Variants in CAMTA1 observed in about 807,000 individuals in gnomAD.
The protein encoded by CAMTA1 is calmodulin binding transcription activator 1.
Under a neutral mutation model 170.9 loss-of-function variants are expected in CAMTA1, and 27 were observed. The observed-to-expected ratio is 0.16, with a 90% CI of 0.12 to 0.22. The LOEUF (loss-of-function observed/expected upper bound fraction) is 0.22, where lower values mean the gene tolerates loss of function less well. Among genes scored for constraint, CAMTA1 ranks in the 10% least tolerant of loss-of-function variants. CAMTA1 has a pLI of 1.00. For synonymous variants in CAMTA1, 833 were observed against 891.5 expected, an observed-to-expected ratio of 0.93 and a Z score of 1.17; for missense variants, 1,619 against 2,217.2, an observed-to-expected ratio of 0.73 and a Z score of 5.42.
In CAMTA1 at chr1:7,435,274, T is replaced by A. The variant is rs2092310004; in HGVS notation, c.439-32556T>A. Among the ~76,000 whole-genome samples the A allele has an allele frequency of 6.6e-6, 1 of 152,126 alleles. No homozygotes were observed. The highest frequency in any genetic ancestry group is 2.4e-5 in the African/African-American group (1 of 41,406). ...TTGCCTAGACCTGCTGAGCTCACAG[T>A]CCAGTGGGGAGATCAGGCCCCAGGC... On this transcript the variant is annotated intron_variant, in intron 5 of 22. Transcript: ENST00000303635. This position sits in a 1 kb window ranked among gnomAD's most constrained non-coding sequence, Gnocchi z 4.4.
At chr1:7,601,723 G>A (rs1379414622) in intron 6 of CAMTA1, among the ~76,000 whole-genome samples, 1 of 152,234 alleles carries the variant, frequency 6.6e-6, no homozygotes, top group Non-Finnish European at 1.5e-5. Context: ...CGGATCCCTC[G>A]CGGTTAGGAG....
chr1:7,557,477 A>G lies in CAMTA1; in HGVS notation c.511-82923A>G, dbSNP rs149226781. On this transcript the variant is annotated intron_variant, in intron 6 of 22. Transcript: ENST00000303635. ...CTTTTCCAGCTGTTCCCCAGCTGTG[A>G]CATTCTAGGATCCGGTATGTTTCAT... Among the ~76,000 whole-genome samples, 144 of 152,314 alleles carry G rather than the reference A, an allele frequency of 9.5e-4. 2 individuals are homozygous for G. In the East Asian group the frequency reaches 0.015, roughly 16 times the overall value.
intron 5 of CAMTA1, among the ~76,000 whole-genome samples, chr1:7,450,494 T>C (rs746956818): frequency 1.3e-5 from 2 of 152,204 alleles, no homozygotes; most frequent in Non-Finnish European, 2.9e-5. Context: ...CCTCTGCAGC[T>C]TTCACACCTT....
chr1:7,312,839 G>A (rs958088593), intron 5 of CAMTA1, among the ~76,000 whole-genome samples: 1 of 152,088 alleles, frequency 6.6e-6, no homozygotes, highest in African/African-American at 2.4e-5. Context: ...CCTTTCCTGA[G>A]CTTTTGTGTC....
intron 4 of CAMTA1, among the ~76,000 whole-genome samples, chr1:7,181,192 A>G (rs1214309227): frequency 2.6e-5 from 4 of 152,244 alleles, no homozygotes; most frequent in Non-Finnish European, 5.9e-5. Flanking sequence ...AAAAAATTCA[A>G]TATGCATTCC....
At chr1:6,936,533 C>T (rs1056895150) in intron 3 of CAMTA1, among the ~76,000 whole-genome samples, 1 of 152,078 alleles carries the variant, frequency 6.6e-6, no homozygotes, top group African/African-American at 2.4e-5. Context: ...GCTCATTTCT[C>T]CTGACCTTCT....
intron 6 of CAMTA1, among the ~76,000 whole-genome samples, chr1:7,590,993 C>T (rs76160118): frequency 4.9e-4 from 74 of 152,272 alleles, no homozygotes; most frequent in East Asian, 9.6e-4. Flanking sequence ...CTGGTGATTC[C>T]GTGATTATCA....
At chr1:6,910,626 T>C (rs1679493429) in intron 3 of CAMTA1, among the ~76,000 whole-genome samples, 1 of 152,254 alleles carries the variant, frequency 6.6e-6, no homozygotes, top group African/African-American at 2.4e-5. Context: ...CCCTCCAACA[T>C]GTCACTATCT....
intron 4 of CAMTA1, among the ~76,000 whole-genome samples, chr1:7,203,266 T>C (rs1329095790): frequency 6.6e-6 from 1 of 152,128 alleles, no homozygotes; most frequent in Non-Finnish European, 1.5e-5. Flanking sequence ...TTGTTGAGGA[T>C]TTTTTTATCC....
At chr1:7,701,716 C>G (rs376973017) in intron 11 of CAMTA1, among the ~76,000 whole-genome samples, 1 of 152,024 alleles carries the variant, frequency 6.6e-6, no homozygotes, top group Admixed American at 6.6e-5. Flanking sequence ...CCACCGTGCC[C>G]GGCTGTATCT....
intron 3 of CAMTA1, among the ~76,000 whole-genome samples, chr1:6,899,542 GCA>G (rs151183377): frequency 0.14 from 17,012 of 124,510 alleles, 1,114 homozygotes; most frequent in African/African-American, 0.22. Flanking sequence ...TGTATAACGC[GCA>G]CGCGCGCGCG....
At chr1:7,263,451 TG>T (rs1422438871) in intron 5 of CAMTA1, among the ~76,000 whole-genome samples, 2 of 152,238 alleles carry the variant, frequency 1.3e-5, no homozygotes, top group South Asian at 2.1e-4. Context: ...GTTTGTACAT[TG>T]TGTTGGACAC....
chr1:7,618,568 G>T (rs147249888), intron 6 of CAMTA1, among the ~76,000 whole-genome samples: 1 of 152,270 alleles, frequency 6.6e-6, no homozygotes, highest in South Asian at 2.1e-4. Flanking sequence ...TCCTTGGGCC[G>T]GTTCCGATGA....
At chr1:7,365,461 T>C (rs1402788031) in intron 5 of CAMTA1, among the ~76,000 whole-genome samples, 1 of 152,174 alleles carries the variant, frequency 6.6e-6, no homozygotes, top group African/African-American at 2.4e-5. Flanking sequence ...AAAAAATAAT[T>C]TCAGACCTTT....
At position 7,205,003 on chromosome 1, in the gene CAMTA1, G is replaced by T. The variant is rs548845822; in HGVS notation, c.303-44488G>T. ...CGGACCACGCCCGGCTAATTTTTTT[G>T]TATTTTTAGTAGAGACGGGGTTTCA... On this transcript the variant is annotated intron_variant, in intron 4 of 22. Transcript: ENST00000303635. 9.0e-4 allele frequency among the ~76,000 whole-genome samples: 136 copies of T among 151,440 alleles called. 1 individual carries two copies. In the East Asian group the frequency reaches 9.9e-3, roughly 11 times the overall value.
At chr1:7,724,152 A>T (rs2096667349) in intron 11 of CAMTA1, among the ~76,000 whole-genome samples, 1 of 152,224 alleles carries the variant, frequency 6.6e-6, no homozygotes, top group Non-Finnish European at 1.5e-5. Context: ...GTAAAGGAAT[A>T]TGGAGAAACT....
chr1:7,738,367 G>A lies in CAMTA1; in HGVS notation c.4067G>A (p.Arg1356Gln), dbSNP rs746874795. The change falls in exon 16 of 23, where the codon CGG (arginine) becomes CAG (glutamine). Residue 1356 changes from arginine to glutamine, a missense_variant. Arg to Gln is a conservative substitution (Grantham distance 43, BLOSUM62 1). Transcript: ENST00000303635. The surrounding 1 kb of genome is among the most constrained non-coding windows in gnomAD (Gnocchi z 4.9). ...KEAAPSQVRP[R>Q]EPMSVLMMAN... ...GCAGCACCTTCACAGGTGCGTCCAC[G>A]GGAACCAATGAGTGTCCTGATGATG... 2.1e-5 allele frequency: 34 copies of A among 1,614,072 alleles called. No individual in the cohort carries two copies. Among genetic ancestry groups the A allele is most frequent in the East Asian group, 4.5e-5 (2 of 44,896 alleles).
chr1:7,517,936 T>A (rs1017186252), intron 6 of CAMTA1, among the ~76,000 whole-genome samples: 1 of 151,904 alleles, frequency 6.6e-6, no homozygotes, highest in African/African-American at 2.4e-5. Flanking sequence ...GAGCCCAGGG[T>A]TAAGCCCTTT....
rs551409632 is a variant in CAMTA1 at position 6,985,906 on chromosome 1, C to T, written c.235-105398C>T. 2.0e-5 allele frequency among the ~76,000 whole-genome samples: 3 copies of T among 152,240 alleles called. No individual in the cohort carries two copies. The East Asian group carries it at 5.8e-4, about 29-fold the overall frequency. On this transcript the variant is annotated intron_variant, in intron 3 of 22. Transcript: ENST00000303635. ...ATAGATTTATTATGCTTGGGATGCT[C>T]TCTGCACCTCTGTGTATGGGCAGGA...
Sources: allele counts gnomAD v4.1 joint callset (sites outside exome capture counted in the v4.1 genomes callset), GRCh38; gene constraint gnomAD v4.1.1; non-coding constraint Gnocchi (gnomAD v3.1); transcripts MANE v1.5; gene names NCBI Gene and HGNC (gene_info 2026-07-23, HGNC 2026-07-21).